The following TRPM3 variants were observed in gnomAD, a reference collection of about 807,000 sequenced individuals.
TRPM3 encodes long transient receptor potential channel 3.
Under a neutral mutation model 181.2 loss-of-function variants are expected in TRPM3, and 77 were observed. That is an observed-to-expected ratio of 0.42 (90% confidence interval 0.35 to 0.51). The LOEUF (loss-of-function observed/expected upper bound fraction) is 0.51. Ranked by LOEUF, TRPM3 falls within the 20% of genes least tolerant of loss-of-function variation. The pLI, the probability that TRPM3 is intolerant of heterozygous loss-of-function variation, is 0.01. For missense variants in TRPM3, 1,759 were observed against 2,196.7 expected (o/e 0.80, Z 3.98); for synonymous variants, 745 against 796.4 (o/e 0.94, Z 1.09).
At chr9:71,195,125 G>C (rs923204319) in intron 1 of TRPM3, among the ~76,000 whole-genome samples, 2 of 151,978 alleles carry the variant, frequency 1.3e-5, no homozygotes, top group African/African-American at 4.8e-5. Flanking sequence ...AAGACAGCAA[G>C]ATCAATTGCA....
chr9:71,008,232 C>T lies in TRPM3; in HGVS notation c.177+112946G>A, dbSNP rs1286146049. On this transcript the variant is annotated intron_variant, in intron 1 of 25. Transcript: ENST00000677713. ...GATTAAATAATGAAAAAATAGAAAA[C>T]GTGAACAGACCAATAACGAGTAACA... 2.6e-5 allele frequency among the ~76,000 whole-genome samples: 4 copies of T among 151,990 alleles called. No homozygotes were observed. The East Asian group carries it at 5.8e-4, about 22-fold the overall frequency.
intron 1 of TRPM3, among the ~76,000 whole-genome samples, chr9:71,246,631 T>C (rs1341056768): frequency 6.6e-6 from 1 of 152,234 alleles, no homozygotes; most frequent in African/African-American, 2.4e-5. Flanking sequence ...ATAACTCGTT[T>C]CACAAAATTA....
At chr9:71,305,442 C>G (rs945075807) in intron 1 of TRPM3, among the ~76,000 whole-genome samples, 2 of 152,060 alleles carry the variant, frequency 1.3e-5, no homozygotes, top group Non-Finnish European at 2.9e-5. Context: ...TTGTGTCAAG[C>G]TTGCTGATGG....
At chr9:70,616,133 GGTT>G in intron 17 of TRPM3, 58 bp from the exon 18 acceptor site, 1 of 1,379,266 alleles carries the variant, frequency 7.3e-7, no homozygotes, top group Non-Finnish European at 9.7e-7. Context: ...AGATTAGGGT[GGTT>G]GTTTAGAATC....
intron 8 of TRPM3, among the ~76,000 whole-genome samples, chr9:70,746,541 GTCGTCAGC>G (rs1391876008): frequency 1.3e-5 from 2 of 152,146 alleles, no homozygotes; most frequent in East Asian, 3.9e-4. Flanking sequence ...CTAAGGGAAA[GTCGTCAGC>G]TCTGTAGCCT....
At chr9:70,835,098 C>T (rs149560444) in intron 5 of TRPM3, among the ~76,000 whole-genome samples, 82 of 152,182 alleles carry the variant, frequency 5.4e-4, no homozygotes, top group African/African-American at 1.9e-3. Context: ...CTCCCTCTCT[C>T]GTTATGTGGT....
At chr9:70,855,147 A>G (rs139410848) in intron 3 of TRPM3, among the ~76,000 whole-genome samples, 1 of 152,258 alleles carries the variant, frequency 6.6e-6, no homozygotes, top group Non-Finnish European at 1.5e-5. Context: ...CTATTTGCCT[A>G]TCAAAGCAGA....
intron 22 of TRPM3, among the ~76,000 whole-genome samples, chr9:70,575,012 GCTCACTGCAGC>G (rs2053550104): frequency 6.6e-6 from 1 of 150,968 alleles, no homozygotes; most frequent in Non-Finnish European, 1.5e-5. Context: ...CACAATCACA[GCTCACTGCAGC>G]CTCAAACTCT....
chr9:70,790,674 GA>G (rs1179478867), intron 6 of TRPM3, among the ~76,000 whole-genome samples: 1 of 152,142 alleles, frequency 6.6e-6, no homozygotes, highest in East Asian at 1.9e-4. Flanking sequence ...TTCGATTCTT[GA>G]TATCTTTAAC....
intron 1 of TRPM3, among the ~76,000 whole-genome samples, chr9:70,881,804 A>T (rs984377478): frequency 6.6e-6 from 1 of 152,148 alleles, no homozygotes; most frequent in African/African-American, 2.4e-5. Context: ...ATTGCTCTCA[A>T]GTGACCAAAC....
chr9:70,996,189 A>G (rs1330446959), intron 1 of TRPM3, among the ~76,000 whole-genome samples: 1 of 152,212 alleles, frequency 6.6e-6, no homozygotes, highest in Non-Finnish European at 1.5e-5. Context: ...GAAAAACCGA[A>G]CACATATTTA....
At chr9:70,650,376 G>C (rs528311983) in intron 9 of TRPM3, among the ~76,000 whole-genome samples, 4 of 152,226 alleles carry the variant, frequency 2.6e-5, no homozygotes, top group South Asian at 2.1e-4. Flanking sequence ...TAAAAGACTT[G>C]GTCATTTTGC....
chr9:70,897,103 A>AT (rs1344061703), intron 1 of TRPM3, among the ~76,000 whole-genome samples: 1 of 144,976 alleles, frequency 6.9e-6, no homozygotes, highest in Non-Finnish European at 1.5e-5. Flanking sequence ...AACATTCCAG[A>AT]TTTTTTCTTT....
At chr9:70,831,019 T>C (rs1022948222) in intron 5 of TRPM3, among the ~76,000 whole-genome samples, 6 of 152,234 alleles carry the variant, frequency 3.9e-5, no homozygotes, top group African/African-American at 1.4e-4. Context: ...ATCAGCAGTC[T>C]GTTGGCAAAA....
intron 1 of TRPM3, among the ~76,000 whole-genome samples, chr9:70,946,477 C>T (rs2096934793): frequency 6.6e-6 from 1 of 151,598 alleles, no homozygotes; most frequent in East Asian, 1.9e-4. Flanking sequence ...CAGCAATATT[C>T]TAGGGTTGTT....
chr9:70,885,658 C>A (rs1468693896), intron 1 of TRPM3, among the ~76,000 whole-genome samples: 1 of 152,160 alleles, frequency 6.6e-6, no homozygotes, highest in African/African-American at 2.4e-5. Flanking sequence ...TTCTTGCTTG[C>A]TTTACCAGGA....
chr9:70,834,609 C>T (rs945476229), intron 5 of TRPM3, among the ~76,000 whole-genome samples: 3 of 152,204 alleles, frequency 2.0e-5, no homozygotes, highest in African/African-American at 7.2e-5. Context: ...TCTCTTAGCT[C>T]TCTCTCACGT....
intron 1 of TRPM3, among the ~76,000 whole-genome samples, chr9:71,043,780 T>C (rs921421900): frequency 6.6e-6 from 1 of 152,218 alleles, no homozygotes; most frequent in East Asian, 1.9e-4. Flanking sequence ...CAAGCGAATC[T>C]ATGTTTAACA....
chr9:71,238,577 T>C (rs1225098663), intron 1 of TRPM3, among the ~76,000 whole-genome samples: 1 of 152,236 alleles, frequency 6.6e-6, no homozygotes, highest in Non-Finnish European at 1.5e-5. Context: ...CTTCCTGGAA[T>C]GTTTATGATG....
Sources: allele counts gnomAD v4.1 joint callset (sites outside exome capture counted in the v4.1 genomes callset), GRCh38; gene constraint gnomAD v4.1.1; transcripts MANE v1.5; gene names NCBI Gene and HGNC (gene_info 2026-07-23, HGNC 2026-07-21).